Variants in KLF8 observed in about 807,000 individuals in gnomAD.
KLF8 encodes the protein KLF transcription factor 8, also known as Krueppel-like factor 8.
KLF8 carries 10 observed loss-of-function variants against 18.2 expected under a neutral mutation model. The ratio of observed to expected loss-of-function variants is 0.55; its 90% CI spans 0.34 to 0.93. The LOEUF is 0.93. KLF8 is among the 40% of genes least tolerant of loss of function. The probability of loss-of-function intolerance (pLI) is 0.02; values close to 1 mark genes in which losing one functional copy is unlikely to be tolerated. For missense variants in KLF8, 264 were observed against 277.9 expected, an observed-to-expected ratio of 0.95 and a Z score of 0.36; for synonymous variants, 109 against 97.3, an observed-to-expected ratio of 1.12 and a Z score of -0.71.
chrX:55,972,086 A>T, the KLF8 span, among the ~76,000 whole-genome samples: 1 of 111,394 alleles, frequency 9.0e-6, no homozygotes, highest in Non-Finnish European at 1.9e-5. Context: ...AGATATCTGC[A>T]CTCTCATGTT....
the KLF8 span, among the ~76,000 whole-genome samples, chrX:56,218,537 A>G: frequency 8.9e-6 from 1 of 112,090 alleles, no homozygotes; most frequent in Non-Finnish European, 1.9e-5. Flanking sequence ...CCATCTGAGC[A>G]ATATATTATG....
At chrX:56,028,730 C>T in the KLF8 span, among the ~76,000 whole-genome samples, 1 of 111,313 alleles carries the variant, frequency 9.0e-6, no homozygotes, top group Non-Finnish European at 1.9e-5. Flanking sequence ...ACACCTGACC[C>T]CGGGTCTTCC....
the KLF8 span, among the ~76,000 whole-genome samples, chrX:55,925,062 T>C: frequency 9.7e-6 from 1 of 102,908 alleles, no homozygotes; most frequent in Non-Finnish European, 2.0e-5. Flanking sequence ...GGTTTCCCCA[T>C]GTTGGCCAGG....
chrX:56,039,092 A>G, the KLF8 span, among the ~76,000 whole-genome samples: 2 of 111,580 alleles, frequency 1.8e-5, no homozygotes, highest in Non-Finnish European at 1.9e-5. Context: ...TAATATCCTT[A>G]TAGATTCTGG....
At chrX:56,231,761 G>A (rs2066404731), upstream of KLF8, among the ~76,000 whole-genome samples, 1 of 111,124 alleles carries the variant, frequency 9.0e-6, no homozygotes, top group Non-Finnish European at 1.9e-5. Flanking sequence ...GCTGAGAGGC[G>A]GTCTCAGGGG....
At chrX:55,947,858 G>C in the KLF8 span, among the ~76,000 whole-genome samples, 2 of 111,902 alleles carry the variant, frequency 1.8e-5, no homozygotes, top group Non-Finnish European at 3.8e-5. Flanking sequence ...TTTTAAAAAA[G>C]CATTAAGTGT....
the KLF8 span, among the ~76,000 whole-genome samples, chrX:56,076,710 C>T: frequency 3.6e-5 from 4 of 111,571 alleles, no homozygotes; most frequent in Non-Finnish European, 3.8e-5. Flanking sequence ...CCTGAGGAAT[C>T]GCCACACTGA....
chrX:56,184,839 A>C, the KLF8 span, among the ~76,000 whole-genome samples: 1 of 112,379 alleles, frequency 8.9e-6, no homozygotes, highest in African/African-American at 3.2e-5. Flanking sequence ...GAAAACTAAC[A>C]AACAGAAAGG....
At chrX:56,230,749 TTAA>T (rs1418894043), upstream of KLF8, among the ~76,000 whole-genome samples, 3 of 111,210 alleles carry the variant, frequency 2.7e-5, no homozygotes, top group African/African-American at 9.8e-5. Flanking sequence ...ATTATTATTG[TTAA>T]TAATAATATA....
the KLF8 span, among the ~76,000 whole-genome samples, chrX:56,083,168 A>G: frequency 8.9e-6 from 1 of 111,847 alleles, no homozygotes; most frequent in African/African-American, 3.3e-5. Context: ...ATTTGGCTTG[A>G]TGGTGTCCCC....
the KLF8 span, among the ~76,000 whole-genome samples, chrX:56,219,268 T>G: frequency 8.9e-6 from 1 of 111,954 alleles, no homozygotes; most frequent in Non-Finnish European, 1.9e-5. Flanking sequence ...ACCAAGTGAT[T>G]TTTCAGGACC....
the KLF8 span, among the ~76,000 whole-genome samples, chrX:55,971,134 G>A: frequency 9.0e-6 from 1 of 111,426 alleles, no homozygotes; most frequent in Non-Finnish European, 1.9e-5. Context: ...AAGAAAACTG[G>A]AGGAATCACA....
the KLF8 span, among the ~76,000 whole-genome samples, chrX:56,084,507 T>A: frequency 3.6e-5 from 4 of 112,085 alleles, no homozygotes; most frequent in African/African-American, 1.3e-4. Flanking sequence ...TTGACATAAC[T>A]TAGGCTCTTG....
At chrX:56,049,100 T>A in the KLF8 span, among the ~76,000 whole-genome samples, 1 of 111,893 alleles carries the variant, frequency 8.9e-6, no homozygotes, top group Non-Finnish European at 1.9e-5. Context: ...TGCTTGTGAT[T>A]TTTGCACATT....
the KLF8 span, among the ~76,000 whole-genome samples, chrX:56,086,387 G>A: frequency 9.0e-6 from 1 of 110,828 alleles, no homozygotes; most frequent in African/African-American, 3.3e-5. Context: ...CCATCCAATC[G>A]GAGGGACATG....
chrX:55,931,902 G>T, the KLF8 span, among the ~76,000 whole-genome samples: 1 of 110,030 alleles, frequency 9.1e-6, no homozygotes, highest in Admixed American at 9.7e-5. Context: ...CCACAGCTGA[G>T]TTCTAGTCCT....
the KLF8 span, among the ~76,000 whole-genome samples, chrX:56,175,748 T>C: frequency 6.8e-4 from 76 of 111,386 alleles, no homozygotes; most frequent in African/African-American, 2.4e-3. Flanking sequence ...TCTTTGTAGG[T>C]CTCTAAGGAG....
At chrX:56,008,747 C>T in the KLF8 span, among the ~76,000 whole-genome samples, 4 of 112,294 alleles carry the variant, frequency 3.6e-5, no homozygotes, top group Admixed American at 3.7e-4. Context: ...CCATTTTTTC[C>T]TGCTGGTGCC....
At chrX:56,080,025 T>G in the KLF8 span, among the ~76,000 whole-genome samples, 3 of 111,331 alleles carry the variant, frequency 2.7e-5, no homozygotes, top group African/African-American at 9.8e-5. Context: ...ATCCTTCTAT[T>G]TTGAGCCTAT....
Sources: allele counts gnomAD v4.1 joint callset (sites outside exome capture counted in the v4.1 genomes callset), GRCh38; gene constraint gnomAD v4.1.1; transcripts MANE v1.5; gene names NCBI Gene and HGNC (gene_info 2026-07-23, HGNC 2026-07-21).